PLXNA2: variants seen among roughly 807,000 people sequenced by gnomAD.
PLXNA2 encodes plexin A2.
A neutral mutation model predicts 193.5 loss-of-function variants in PLXNA2; 91 were observed. The observed-to-expected ratio is 0.47, with a 90% CI of 0.40 to 0.56. PLXNA2 has a LOEUF of 0.56. Among genes scored for constraint, PLXNA2 ranks in the 20% least tolerant of loss-of-function variants. The pLI, the probability that PLXNA2 is intolerant of heterozygous loss-of-function variation, is 0.00. For synonymous variants in PLXNA2, 997 were observed against 1,027.3 expected, an observed-to-expected ratio of 0.97 and a Z score of 0.56; for missense variants, 1,995 against 2,503.2, an observed-to-expected ratio of 0.80 and a Z score of 4.33.
intron 3 of PLXNA2, among the ~76,000 whole-genome samples, chr1:208,169,795 G>C (rs1031056251): frequency 6.6e-6 from 1 of 151,932 alleles, no homozygotes; most frequent in Non-Finnish European, 1.5e-5. Flanking sequence ...GTATAGCCTT[G>C]GGCAAATCAC....
rs568732618 is a variant in PLXNA2 at position 208,112,862 on chromosome 1, C to T, written c.1507-9615G>A. On this transcript the variant is annotated intron_variant, in intron 4 of 31. Transcript: ENST00000367033. ...GTAAAACTTGGGCAAGGTAAAACTA[C>T]AAAGAGGGTAGGAAATCTTATGGGC... Among the ~76,000 whole-genome samples the T allele has an allele frequency of 3.0e-3, 449 of 152,098 alleles. 4 individuals are homozygous for T. Among genetic ancestry groups the T allele is most frequent in the African/African-American group, 0.01 (429 of 41,488 alleles).
Position 208,022,469 on chromosome 1 carries a change from C to T in PLXNA2, c.*4774G>A, listed in dbSNP as rs1463864732. The T allele has an allele frequency of 6.6e-6, 1 of 152,534 alleles. No homozygotes were observed. Among genetic ancestry groups the T allele is most frequent in the African/African-American group, 2.4e-5 (1 of 41,380 alleles). The allele number at this position is 152,534 out of a possible 1,614,324, so 9.4% of individuals were successfully genotyped here. A position where few individuals can be genotyped will look rare whatever the true frequency, so the allele number is the denominator to read the frequency against. The stretch of plus-strand genomic sequence containing the variant: ...CTGTAAAAACAACAAAACCAGACAA[C>T]CATCATTGTATTTTCTTAAAAATAT... On this transcript the variant is annotated 3_prime_UTR_variant, in exon 32 of 32. Coordinates refer to ENST00000367033, the MANE Select transcript of PLXNA2 (RefSeq NM_025179.4).
At chr1:208,237,019 A>T (rs12030888) in intron 1 of PLXNA2, among the ~76,000 whole-genome samples, 42,777 of 152,120 alleles carry the variant, frequency 0.28, 7,064 homozygotes, top group East Asian at 0.54. Flanking sequence ...GATTAGAGAC[A>T]GCCTTTGAGT....
In PLXNA2 at chr1:208,038,961, G is replaced by C; in HGVS notation, c.4524C>G (p.Asp1508Glu). The C allele has an allele frequency of 6.2e-7, 1 of 1,614,046 alleles. No homozygotes were observed. The highest frequency in any genetic ancestry group is 1.3e-5 in the African/African-American group (1 of 75,034). ...CTGGGATCTCTGGACTGTTCTCGTT[G>C]TCAGGGTTGACGCAGTTCAGGATCT... ...KTLILNCVNP[D>E]NENSPEIPVK... Residue 1508 changes from aspartate (D) to glutamate (E), a missense_variant, in exon 25 of 32, where the codon GAC (aspartate) becomes GAG (glutamate). Physicochemically the swap from Asp to Glu is conservative, Grantham distance 45. Coordinates refer to ENST00000367033, the MANE Select transcript of PLXNA2 (RefSeq NM_025179.4). The surrounding 1 kb of genome is among the most constrained non-coding windows in gnomAD (Gnocchi z 4.1).
Position 208,082,460 on chromosome 1 carries a change from C to A in PLXNA2, c.2347G>T (p.Val783Leu). The A allele has an allele frequency of 6.2e-7, 1 of 1,614,166 alleles. No homozygotes were observed. Among genetic ancestry groups the A allele is most frequent in the Non-Finnish European group, 8.5e-7 (1 of 1,180,012 alleles). ...DISNLAVDFA[V>L]VWNGNFIIDN... ...ATGATGAAATTGCCGTTCCACACCA[C>A]AGCGAAATCCACGGCCAGATTGCTG... The change falls in exon 11 of 32, where the codon GTG becomes TTG. Residue 783 changes from valine to leucine, a missense_variant. Physicochemically the swap from Val to Leu is conservative, Grantham distance 32 (BLOSUM62 1). Around this residue, in one of 3 missense-constraint regions of PLXNA2, gnomAD observed 1,291 missense variants for 1,673.6 expected, o/e 0.77. Coordinates refer to ENST00000367033, the MANE Select transcript of PLXNA2 (RefSeq NM_025179.4). This position sits in a 1 kb window ranked among gnomAD's most constrained non-coding sequence, Gnocchi z 4.2.
chr1:208,103,528 G>T (rs1224981863), intron 4 of PLXNA2, among the ~76,000 whole-genome samples: 1 of 152,180 alleles, frequency 6.6e-6, no homozygotes, highest in Non-Finnish European at 1.5e-5. Context: ...GCATCCTCCC[G>T]AGAGCTGGGC....
chr1:208,181,808 A>T (rs1476661900), intron 3 of PLXNA2, among the ~76,000 whole-genome samples: 1 of 152,234 alleles, frequency 6.6e-6, no homozygotes, highest in Non-Finnish European at 1.5e-5. Flanking sequence ...TAGGAGGAGA[A>T]GCTGTAATTT....
chr1:208,229,111 G>T (rs539594095), intron 1 of PLXNA2, among the ~76,000 whole-genome samples: 1 of 152,096 alleles, frequency 6.6e-6, no homozygotes, highest in Admixed American at 6.6e-5. Flanking sequence ...TCCCATACAG[G>T]TCTGCCTCAG....
At chr1:208,199,496 T>C (rs1249867) in intron 3 of PLXNA2, among the ~76,000 whole-genome samples, 1 of 152,044 alleles carries the variant, frequency 6.6e-6, no homozygotes, top group East Asian at 1.9e-4. Flanking sequence ...ATCGAGACCA[T>C]CCTGGCCAAC....
At chr1:208,185,670 C>T (rs1163647156) in intron 3 of PLXNA2, among the ~76,000 whole-genome samples, 1 of 115,202 alleles carries the variant, frequency 8.7e-6, no homozygotes, top group African/African-American at 3.5e-5. Context: ...GAAGCTGCCC[C>T]TTTATTCCTT....
At chr1:208,032,472 TG>T (rs1227986884) in intron 28 of PLXNA2, among the ~76,000 whole-genome samples, 6 of 152,264 alleles carry the variant, frequency 3.9e-5, no homozygotes, top group Admixed American at 3.9e-4. Context: ...AATGGAGACA[TG>T]GGGTCTCGTG....
intron 1 of PLXNA2, among the ~76,000 whole-genome samples, chr1:208,241,829 A>T (rs1169167136): frequency 6.6e-6 from 1 of 152,034 alleles, no homozygotes; most frequent in African/African-American, 2.4e-5. Flanking sequence ...CAGCAGGGGC[A>T]AGTTCTGGAA....
chr1:208,098,881 G>A lies in PLXNA2; in HGVS notation c.1696C>T (p.Pro566Ser). The change falls in exon 6 of 32, where the codon CCC becomes TCC. Residue 566 changes from proline (P) to serine (S), a missense_variant. By Grantham distance (74) the Pro-to-Ser change is moderately conservative (BLOSUM62 -1). Coordinates refer to ENST00000367033, the MANE Select transcript of PLXNA2 (RefSeq NM_025179.4). ...TGCTCAGATACTGAGATGCTGCTGG[G>A]ATGCACTGCAAGGCTCACACACTGG... ...ISQCVSLAVH[P>S]SSISVSEHSR... The A allele has an allele frequency of 6.2e-7, 1 of 1,613,922 alleles. No individual in the cohort carries two copies. Among genetic ancestry groups the A allele is most frequent in the Non-Finnish European group, 8.5e-7 (1 of 1,179,976 alleles).
chr1:208,066,175 T>C (rs1571878666), intron 12 of PLXNA2, among the ~76,000 whole-genome samples: 1 of 152,328 alleles, frequency 6.6e-6, no homozygotes, highest in Admixed American at 6.5e-5. Flanking sequence ...CATATTATAC[T>C]GTGGACTAGA....
At chr1:208,047,204 G>A (rs935188712) in intron 17 of PLXNA2, among the ~76,000 whole-genome samples, 11 of 134,648 alleles carry the variant, frequency 8.2e-5, no homozygotes, top group South Asian at 7.6e-4. Context: ...CAGGTGATCC[G>A]CCCGCTTCGG....
chr1:208,228,798 A>C (rs1431489301), intron 1 of PLXNA2, among the ~76,000 whole-genome samples: 1 of 151,338 alleles, frequency 6.6e-6, no homozygotes, highest in Non-Finnish European at 1.5e-5. Flanking sequence ...GCTTGTTTCC[A>C]CTCCCTTCTT....
intron 15 of PLXNA2, among the ~76,000 whole-genome samples, 187 bp from the exon 16 acceptor site, chr1:208,051,610 G>T (rs1555948): frequency 1.3e-5 from 2 of 152,042 alleles, no homozygotes; most frequent in Non-Finnish European, 2.9e-5. Flanking sequence ...GGATTAGGGA[G>T]GCAGCAAATT....
chr1:208,103,392 C>T, intron 4 of PLXNA2, 145 bp from the exon 5 acceptor site: 2 of 614,448 alleles, frequency 3.3e-6, no homozygotes, highest in South Asian at 2.1e-5. Flanking sequence ...GCCTCAATGT[C>T]CCCAATCTCT....
chr1:208,242,368 C>T (rs1383346291), intron 1 of PLXNA2, among the ~76,000 whole-genome samples: 1 of 152,212 alleles, frequency 6.6e-6, no homozygotes, highest in Non-Finnish European at 1.5e-5. Context: ...GCCTGCCGCT[C>T]ATAAGCCTTG....
Sources: allele counts gnomAD v4.1 joint callset (sites outside exome capture counted in the v4.1 genomes callset), GRCh38; gene constraint gnomAD v4.1.1; regional missense constraint gnomAD v4.1.1; non-coding constraint Gnocchi (gnomAD v3.1); transcripts MANE v1.5; gene names NCBI Gene and HGNC (gene_info 2026-07-23, HGNC 2026-07-21).